RBFOX2: variants seen among roughly 807,000 people sequenced by gnomAD.
RBFOX2 encodes RNA binding fox-1 homolog 2.
Under a neutral mutation model 49.1 loss-of-function variants are expected in RBFOX2, and 10 were observed. The ratio of observed to expected loss-of-function variants is 0.20; its 90% confidence interval spans 0.13 to 0.35. The LOEUF (loss-of-function observed/expected upper bound fraction) is 0.35. Among genes scored for constraint, RBFOX2 ranks in the 10% least tolerant of loss-of-function variants. RBFOX2 has a pLI of 1.00. For missense variants in RBFOX2, 323 were observed against 486.9 expected, an observed-to-expected ratio of 0.66 and a Z score of 3.17; for synonymous variants, 183 against 187.4, an observed-to-expected ratio of 0.98 and a Z score of 0.19.
intron 1 of RBFOX2, among the ~76,000 whole-genome samples, chr22:36,001,184 TACACACACACACACACACACACACAC>T (rs57905429): frequency 1.5e-5 from 2 of 133,594 alleles, no homozygotes; most frequent in Admixed American, 7.5e-5. Flanking sequence ...CCCCAAAACA[TACACACACACACACACACACACACAC>T]ACACACACAC....
At chr22:35,853,658 CGTGT>C (rs36048607) in intron 1 of RBFOX2, among the ~76,000 whole-genome samples, 10,972 of 140,940 alleles carry the variant, frequency 0.078, 419 homozygotes, top group African/African-American at 0.095. Context: ...TATATACACA[CGTGT>C]GTGTGTGTGT....
intron 9 of RBFOX2, among the ~76,000 whole-genome samples, chr22:35,753,765 A>T (rs1935839040): frequency 6.8e-6 from 1 of 147,368 alleles, no homozygotes; most frequent in South Asian, 2.1e-4. Context: ...TTTGAAGTAG[A>T]CAAGTCTTTT....
chr22:35,764,947 G>A (rs1233189031), intron 6 of RBFOX2, among the ~76,000 whole-genome samples: 2 of 151,812 alleles, frequency 1.3e-5, no homozygotes, highest in South Asian at 2.1e-4. Flanking sequence ...CATACCCATG[G>A]CTGTTATCTC....
intron 1 of RBFOX2, among the ~76,000 whole-genome samples, chr22:35,855,388 A>G (rs1055109555): frequency 3.3e-5 from 5 of 152,112 alleles, no homozygotes; most frequent in African/African-American, 1.2e-4. Flanking sequence ...ACATCTCTTT[A>G]GCAAAGACAT....
At chr22:35,739,060 G>A (rs1327203953) in exon 12 of RBFOX2, 1 of 152,874 alleles carries the variant, frequency 6.5e-6, no homozygotes, top group Non-Finnish European at 1.5e-5. Flanking sequence ...GAGTTAGCAG[G>A]GAAACAGGAC....
Position 35,839,248 on chromosome 22 carries a change from G to A in RBFOX2, c.27+944C>T, listed in dbSNP as rs5750186. 2.2e-4 allele frequency among the ~76,000 whole-genome samples: 34 copies of A among 152,320 alleles called. No individual in the cohort carries two copies. In the East Asian group the frequency reaches 6.0e-3, roughly 27 times the overall value. On this transcript the variant is annotated intron_variant, in intron 1 of 11. Coordinates refer to ENST00000405409, the Ensembl canonical transcript of RBFOX2. ...CATAAAGGAAAAAGGGTAATGGAGC[G>A]TACAGAAGGATGCTAACAAGAAAAA... is the stretch of plus-strand genomic sequence containing the variant.
Position 35,866,843 on chromosome 22 carries a change from A to G in RBFOX2, c.-33-56839T>C, listed in dbSNP as rs1237388780. ...CTCCCACTCACGCCAGGAAAGGCCA[A>G]GTGAGGAGCCTTCACTTCTACCCTG... On this transcript the variant is annotated intron_variant, in intron 1 of 13. Transcript: ENST00000359369. 2.0e-5 allele frequency among the ~76,000 whole-genome samples: 3 copies of G among 152,206 alleles called. No individual in the cohort carries two copies. In the East Asian group the frequency reaches 5.8e-4, roughly 29 times the overall value.
chr22:35,955,878 G>A (rs2055494907), intron 1 of RBFOX2, among the ~76,000 whole-genome samples: 1 of 152,184 alleles, frequency 6.6e-6, no homozygotes, highest in African/African-American at 2.4e-5. Context: ...TGAAGTATAA[G>A]AAAGAAATTT....
intron 1 of RBFOX2, among the ~76,000 whole-genome samples, chr22:35,927,604 CAAAAAAAAAAA>C (rs361700): frequency 2.0e-5 from 1 of 49,186 alleles, no homozygotes; most frequent in African/African-American, 7.5e-5. Context: ...AACTCCGTCT[CAAAAAAAAAAA>C]AAAAAAAAAA....
At chr22:35,791,965 T>G (rs1319867439) in intron 2 of RBFOX2, among the ~76,000 whole-genome samples, 1 of 152,188 alleles carries the variant, frequency 6.6e-6, no homozygotes, top group Non-Finnish European at 1.5e-5. Context: ...ATATTTCTAT[T>G]AACTGCTCAA....
intron 1 of RBFOX2, among the ~76,000 whole-genome samples, chr22:35,983,828 T>G (rs1352059954): frequency 1.3e-5 from 2 of 152,298 alleles, no homozygotes; most frequent in East Asian, 3.9e-4. Context: ...TCATTACATG[T>G]GACTAGAAAG....
intron 1 of RBFOX2, among the ~76,000 whole-genome samples, chr22:35,872,042 G>A (rs2044420031): frequency 6.6e-6 from 1 of 152,198 alleles, no homozygotes. Context: ...GTTCAAATCA[G>A]TTCAGCATCT....
intron 1 of RBFOX2, among the ~76,000 whole-genome samples, chr22:35,899,233 G>C (rs920213766): frequency 3.3e-5 from 5 of 150,866 alleles, no homozygotes; most frequent in African/African-American, 1.2e-4. Context: ...CAGCAAAGCA[G>C]GAGAAAAATA....
At chr22:35,746,040 A>G (rs748026779) in intron 10 of RBFOX2, 45 bp from the exon 13 acceptor site, 2 of 1,524,892 alleles carry the variant, frequency 1.3e-6, no homozygotes, top group Non-Finnish European at 1.8e-6. Context: ...AAAGTGTATG[A>G]TCTAAAAAAA....
chr22:35,977,731 T>G (rs1261284357), intron 1 of RBFOX2, among the ~76,000 whole-genome samples: 1,677 of 57,508 alleles, frequency 0.029, 75 homozygotes, highest in African/African-American at 0.069. Context: ...ACTATATATA[T>G]ATATATATAT....
At chr22:36,026,661 T>A (rs556435249) in intron 1 of RBFOX2, among the ~76,000 whole-genome samples, 1 of 152,150 alleles carries the variant, frequency 6.6e-6, no homozygotes, top group Admixed American at 6.5e-5. Context: ...TCTCCCACAT[T>A]CCTGTCTTTT....
intron 9 of RBFOX2, chr22:35,748,226 CT>C (rs1271059342): frequency 6.6e-6 from 1 of 152,156 alleles, no homozygotes; most frequent in African/African-American, 2.4e-5. Context: ...ATTATTCCTC[CT>C]TTGTTTTTCA....
chr22:35,884,952 T>C (rs5755975), intron 1 of RBFOX2, among the ~76,000 whole-genome samples: 34,429 of 151,972 alleles, frequency 0.23, 6,175 homozygotes, highest in African/African-American at 0.5. Context: ...AGGAGGCACT[T>C]GGGAATTTGT....
intron 1 of RBFOX2, among the ~76,000 whole-genome samples, chr22:36,003,704 G>A (rs556261175): frequency 6.6e-6 from 1 of 152,230 alleles, no homozygotes; most frequent in Non-Finnish European, 1.5e-5. Context: ...CTTTAAGAAA[G>A]AGGTGACATC....
Sources: allele counts gnomAD v4.1 joint callset (sites outside exome capture counted in the v4.1 genomes callset), GRCh38; gene constraint gnomAD v4.1.1; transcripts MANE v1.5; gene names NCBI Gene and HGNC (gene_info 2026-07-23, HGNC 2026-07-21).